Variants in TTC39C observed in about 807,000 individuals in gnomAD.
TTC39C encodes the protein tetratricopeptide repeat domain 39C, also known as tetratricopeptide repeat protein 39C.
In TTC39C, 33 loss-of-function variants were observed where a neutral mutation model predicts 76.3. The observed-to-expected ratio is 0.43, with a 90% CI of 0.33 to 0.58. TTC39C has a LOEUF of 0.58. TTC39C is among the 20% of genes least tolerant of loss of function. The pLI is 0.04. For synonymous variants in TTC39C, 254 were observed against 260.6 expected (o/e 0.97, Z 0.24); for missense variants, 595 against 701.4 (o/e 0.85, Z 1.71).
At chr18:24,085,944 A>G (rs565157398) in intron 6 of TTC39C, among the ~76,000 whole-genome samples, 1 of 152,332 alleles carries the variant, frequency 6.6e-6, no homozygotes, top group Admixed American at 6.5e-5. Flanking sequence ...TGCTCTTCCC[A>G]GGTATGTGTA....
chr18:24,102,076 A>T (rs2084683328), intron 6 of TTC39C, among the ~76,000 whole-genome samples: 1 of 152,200 alleles, frequency 6.6e-6, no homozygotes, highest in Non-Finnish European at 1.5e-5. Context: ...AGAAGACGTC[A>T]GCCTTCAGTA....
intron 1 of TTC39C, among the ~76,000 whole-genome samples, chr18:24,022,290 C>A (rs2145655916): frequency 6.7e-6 from 1 of 148,776 alleles, no homozygotes; most frequent in South Asian, 2.4e-4. Flanking sequence ...ACATCTTTTG[C>A]TTTGTGGGCT....
At chr18:24,036,017 T>C (rs1020617391) in intron 1 of TTC39C, among the ~76,000 whole-genome samples, 3 of 152,224 alleles carry the variant, frequency 2.0e-5, no homozygotes, top group African/African-American at 7.2e-5. Context: ...TTCCCAGCAC[T>C]GTTTGTTGAA....
chr18:24,091,371 G>T (rs79181411), intron 6 of TTC39C, among the ~76,000 whole-genome samples: 3,820 of 152,258 alleles, frequency 0.025, 166 homozygotes, highest in African/African-American at 0.087. Context: ...GAGCCCGGGG[G>T]ATGGAGGTTG....
chr18:23,997,677 A>AGAAAGAAAGAAC, intron 1 of TTC39C, among the ~76,000 whole-genome samples: 1 of 136,296 alleles, frequency 7.3e-6, no homozygotes, highest in East Asian at 2.1e-4. Flanking sequence ...AAAGAAAGAA[A>AGAAAGAAAGAAC]GAAAGAAAGA....
intron 1 of TTC39C, among the ~76,000 whole-genome samples, chr18:24,037,422 A>G (rs2083745417): frequency 6.6e-6 from 1 of 152,182 alleles, no homozygotes; most frequent in Non-Finnish European, 1.5e-5. Context: ...TACTCAGTCA[A>G]TGATGTATGA....
chr18:24,016,523 G>A lies in TTC39C; in HGVS notation c.167+1485G>A, dbSNP rs1599236498. 3 of 394,352 alleles carry A rather than the reference G, an allele frequency of 7.6e-6. No homozygotes were observed. The East Asian group carries it at 1.1e-4, about 14-fold the overall frequency. The allele number at this position is 394,352 out of a possible 1,614,324, so 24.4% of individuals were successfully genotyped here. A position where few individuals can be genotyped will look rare whatever the true frequency, so the allele number is the denominator to read the frequency against. On this transcript the variant is annotated intron_variant, in intron 1 of 13. Coordinates refer to ENST00000317571, the MANE Select transcript of TTC39C (RefSeq NM_001135993.2). ...ATGATTTAGGTACTTGCATGTTTAA[G>A]TACTTCTTGCTTTGAAGTCTCCTGT...
At chr18:24,085,331 G>A (rs1182540679) in intron 6 of TTC39C, among the ~76,000 whole-genome samples, 5 of 152,180 alleles carry the variant, frequency 3.3e-5, no homozygotes, top group Non-Finnish European at 7.3e-5. Flanking sequence ...TCTAAATTGG[G>A]TTTTGAAGTT....
At chr18:23,996,998 A>C (rs2083266756) in intron 1 of TTC39C, among the ~76,000 whole-genome samples, 1 of 152,206 alleles carries the variant, frequency 6.6e-6, no homozygotes, top group South Asian at 2.1e-4. Context: ...AGTCCCAGCT[A>C]CTTGGGAGGC....
intron 1 of TTC39C, among the ~76,000 whole-genome samples, chr18:24,018,377 C>T (rs915642804): frequency 1.1e-5 from 1 of 91,088 alleles, no homozygotes; most frequent in African/African-American, 2.9e-5. Context: ...AGCAGTCGCT[C>T]CCCCTCCACA....
At chr18:24,021,750 G>C (rs1263647386) in intron 1 of TTC39C, among the ~76,000 whole-genome samples, 1 of 151,928 alleles carries the variant, frequency 6.6e-6, no homozygotes, top group Non-Finnish European at 1.5e-5. Flanking sequence ...CTTCCTTCTT[G>C]CTCAATAATT....
At chr18:24,059,452 C>T (rs1481876556) in intron 1 of TTC39C, among the ~76,000 whole-genome samples, 2 of 152,128 alleles carry the variant, frequency 1.3e-5, no homozygotes, top group Non-Finnish European at 2.9e-5. Context: ...ACTTATAGGT[C>T]AGAACATTCG....
intron 4 of TTC39C, among the ~76,000 whole-genome samples, chr18:24,079,437 T>G (rs1433888918): frequency 1.3e-5 from 2 of 152,314 alleles, no homozygotes; most frequent in African/African-American, 4.8e-5. Context: ...TATGTGTTCC[T>G]AAGAGGGCTC....
chr18:24,089,918 T>C (rs1373495570), intron 6 of TTC39C, among the ~76,000 whole-genome samples: 1 of 152,170 alleles, frequency 6.6e-6, no homozygotes, highest in Non-Finnish European at 1.5e-5. Flanking sequence ...TACATAATTA[T>C]TTTAAGATGT....
At chr18:24,077,809 C>T (rs941264022) in intron 4 of TTC39C, among the ~76,000 whole-genome samples, 1 of 152,108 alleles carries the variant, frequency 6.6e-6, no homozygotes, top group African/African-American at 2.4e-5. Context: ...AAACCTTTGG[C>T]TTTTTGGATT....
At chr18:24,131,975 A>G in intron 13 of TTC39C, 55 bp downstream of exon 13, 2 of 1,506,282 alleles carry the variant, frequency 1.3e-6, no homozygotes, top group Non-Finnish European at 1.8e-6. Flanking sequence ...CATACACTGT[A>G]TACCTGAGTC....
chr18:24,045,064 T>G (rs2083847319), intron 1 of TTC39C, among the ~76,000 whole-genome samples: 1 of 151,972 alleles, frequency 6.6e-6, no homozygotes, highest in Admixed American at 6.6e-5. Flanking sequence ...AGGTTGGAAG[T>G]TTGAGACCAG....
At chr18:24,118,296 C>A in intron 8 of TTC39C, 64 bp downstream of exon 8, 1 of 1,304,978 alleles carries the variant, frequency 7.7e-7, no homozygotes, top group Non-Finnish European at 1.1e-6. Flanking sequence ...CTGACGTGGG[C>A]AGATGGGAGA....
intron 6 of TTC39C, among the ~76,000 whole-genome samples, chr18:24,096,840 C>G (rs1371036385): frequency 6.6e-6 from 1 of 152,172 alleles, no homozygotes; most frequent in East Asian, 1.9e-4. Context: ...TCAACATAAG[C>G]TCTACCAAGT....
Sources: gnomAD v4.1 joint callset for allele counts (sites outside exome capture counted in the v4.1 genomes callset) on GRCh38, gnomAD v4.1.1 for gene constraint, MANE v1.5 for transcripts, NCBI Gene and HGNC (gene_info 2026-07-23, HGNC 2026-07-21) for gene names.